PCNT: variants seen among roughly 807,000 people sequenced by gnomAD.
The protein encoded by PCNT is kendrin.
A neutral mutation model predicts 380.4 loss-of-function variants in PCNT; 319 were observed. The ratio of observed to expected loss-of-function variants is 0.84; its 90% CI spans 0.77 to 0.92. The LOEUF is 0.92. Among genes scored for constraint, PCNT ranks in the 40% least tolerant of loss-of-function variants. PCNT has a pLI of 0.00. For missense variants in PCNT, 4,400 were observed against 4,255.3 expected, an observed-to-expected ratio of 1.03 and a Z score of -0.95; for synonymous variants, 1,845 against 1,735.2, an observed-to-expected ratio of 1.06 and a Z score of -1.57.
chr21:46,383,379 G>A (rs1281030308), intron 16 of PCNT, among the ~76,000 whole-genome samples: 2 of 147,130 alleles, frequency 1.4e-5, no homozygotes, highest in Non-Finnish European at 3.0e-5. Flanking sequence ...TCACCATGTT[G>A]TATATTCAGT....
chr21:46,368,246 C>T (rs542664400), intron 15 of PCNT, among the ~76,000 whole-genome samples: 13 of 152,156 alleles, frequency 8.5e-5, no homozygotes, highest in African/African-American at 2.9e-4. Context: ...GTGATCGAGA[C>T]CATCCTGGCT....
rs758128446 is a variant in PCNT, at chr21:46,438,338, G to C, written c.9273+1G>C. Reference sequence around the variant, plus strand: ...TCTGCAGAAGGGCTGCAGCCCAAGCGTAGGTGTCTGTGCTTAACTCTTACC... The same window carrying C: ...TCTGCAGAAGGGCTGCAGCCCAAGCCTAGGTGTCTGTGCTTAACTCTTACC... On this transcript the variant is annotated splice_donor_variant, in intron 41 of 46. Transcript: ENST00000359568. LOFTEE classifies it high-confidence loss of function. 2 of 1,613,592 alleles carry C rather than the reference G, an allele frequency of 1.2e-6. No individual in the cohort carries two copies. The highest frequency in any genetic ancestry group is 8.5e-7 in the Non-Finnish European group (1 of 1,179,634).
intron 3 of PCNT, among the ~76,000 whole-genome samples, chr21:46,335,689 G>GTT (rs1039930945): frequency 1.5e-4 from 21 of 141,864 alleles, no homozygotes; most frequent in Admixed American, 1.4e-4. Flanking sequence ...GGTTTTTGGG[G>GTT]TTTTTTTTTT....
chr21:46,341,943 C>T (rs1261127448), intron 3 of PCNT, among the ~76,000 whole-genome samples: 1 of 58,550 alleles, frequency 1.7e-5, no homozygotes, highest in East Asian at 5.5e-4. Flanking sequence ...ATGCTTTTTA[C>T]TTATTTTTTT....
rs766659554 is a variant in PCNT at position 46,411,758 on chromosome 21, G to A, written c.5685G>A (p.Leu1895=). 2 of 1,610,198 alleles carry A rather than the reference G, an allele frequency of 1.2e-6. No homozygotes were observed. Among genetic ancestry groups the A allele is most frequent in the Non-Finnish European group, 1.7e-6 (2 of 1,179,600 alleles). ...ACTCTGCCGAGCTGGAGGCCGTCCT[G>A]TTGGCCTTGGCCCGCATCCGCCGCG... ...AAHSAELEAV[L]LALARIRRAL... is the part of the protein sequence containing the mutation. Residue 1895 remains leucine (L), a synonymous_variant, in exon 28 of 47, where the codon CTG becomes CTA. Transcript: ENST00000359568.
chr21:46,334,293 A>G, intron 2 of PCNT, 104 bp from the exon 3 acceptor site: 1 of 1,515,810 alleles, frequency 6.6e-7, no homozygotes, highest in South Asian at 1.1e-5. Context: ...TCTACTTGTT[A>G]AATGAAGTCA....
chr21:46,429,998 T>G lies in PCNT; in HGVS notation c.7691-12T>G. On this transcript the variant is annotated splice_polypyrimidine_tract_variant and intron_variant, in intron 35 of 46. Transcript: ENST00000359568. ...TCATGGGGGCCTGTTACTGTTCTTT[T>G]GTCTTTCTCAGTTGAACTGCTGGCT... 1 of 1,612,676 alleles carries G rather than the reference T, an allele frequency of 6.2e-7. No homozygotes were observed. Among genetic ancestry groups the G allele is most frequent in the African/African-American group, 1.3e-5 (1 of 75,022 alleles).
At chr21:46,328,470 GT>G (rs1238368533) in intron 2 of PCNT, among the ~76,000 whole-genome samples, 1 of 151,552 alleles carries the variant, frequency 6.6e-6, no homozygotes, top group African/African-American at 2.4e-5. Context: ...ATGTTTTTTG[GT>G]TTTTTTTGAA....
Position 46,353,284 on chromosome 21 carries a change from A to C in PCNT, c.1637A>C (p.Gln546Pro). 1 of 1,614,108 alleles carries C rather than the reference A, an allele frequency of 6.2e-7. No homozygotes were observed. ...EDLTLLQQRL[Q>P]GAREDALLDS... Reference sequence around the variant, plus strand: ...CTAACCCTGTTACAGCAGAGGCTGCAGGGGGCGAGGGAAGATGCTCTTCTG... The same window carrying C: ...CTAACCCTGTTACAGCAGAGGCTGCCGGGGGCGAGGGAAGATGCTCTTCTG... The change falls in exon 10 of 47, where the codon CAG becomes CCG. Residue 546 changes from glutamine (Q) to proline (P), a missense_variant. Coordinates refer to ENST00000359568, the MANE Select transcript of PCNT (RefSeq NM_006031.6).
At chr21:46,378,286 T>C (rs1569222151) in intron 15 of PCNT, among the ~76,000 whole-genome samples, 2 of 152,180 alleles carry the variant, frequency 1.3e-5, no homozygotes, top group African/African-American at 4.8e-5. Flanking sequence ...GGAATCACCC[T>C]GTGGTGTCTC....
chr21:46,395,319 G>A (rs557113614), intron 21 of PCNT, among the ~76,000 whole-genome samples: 11 of 152,258 alleles, frequency 7.2e-5, no homozygotes, highest in East Asian at 3.9e-4. Context: ...GATTCAGGCC[G>A]GGAGTGGTAG....
intron 31 of PCNT, among the ~76,000 whole-genome samples, chr21:46,421,260 G>T (rs918602938): frequency 2.0e-5 from 3 of 152,238 alleles, no homozygotes; most frequent in African/African-American, 4.8e-5. Context: ...TCCCCAGGGA[G>T]CTTTGTCCAC....
At chr21:46,385,332 G>T (rs1271654523) in intron 16 of PCNT, among the ~76,000 whole-genome samples, 1 of 152,216 alleles carries the variant, frequency 6.6e-6, no homozygotes, top group Non-Finnish European at 1.5e-5. Flanking sequence ...CTCCAGCCTG[G>T]GCAACAGAGT....
At chr21:46,365,924 A>G (rs2084912321) in intron 14 of PCNT, among the ~76,000 whole-genome samples, 1 of 135,294 alleles carries the variant, frequency 7.4e-6, no homozygotes, top group African/African-American at 3.0e-5. Flanking sequence ...GGTTCTATTC[A>G]TTCACTGCTG....
At chr21:46,399,885 C>G (rs1012058829) in intron 25 of PCNT, 89 bp downstream of exon 25, 1 of 1,125,452 alleles carries the variant, frequency 8.9e-7, no homozygotes, top group Non-Finnish European at 1.4e-6. Flanking sequence ...GTGGGCAGGG[C>G]GTCCTTCTTC....
intron 14 of PCNT, among the ~76,000 whole-genome samples, chr21:46,365,314 GCCATGGGGTTCTA>G (rs2084864263): frequency 2.1e-5 from 3 of 142,554 alleles, no homozygotes; most frequent in Non-Finnish European, 3.1e-5. Flanking sequence ...TCTATTCACT[GCCATGGGGTTCTA>G]TTCACTGCCA....
chr21:46,415,901 C>T (rs1213282056), intron 29 of PCNT, among the ~76,000 whole-genome samples, 168 bp from the exon 30 acceptor site: 1 of 152,112 alleles, frequency 6.6e-6, no homozygotes, highest in East Asian at 1.9e-4. Flanking sequence ...GAGATGTAAG[C>T]CTTGGTTCTG....
chr21:46,343,885 G>A (rs1463949057), intron 3 of PCNT, among the ~76,000 whole-genome samples: 1 of 152,084 alleles, frequency 6.6e-6, no homozygotes, highest in Non-Finnish European at 1.5e-5. Context: ...ATCGCCTCCA[G>A]GTTTTCTAGT....
At chr21:46,410,090 G>A (rs1252727217) in intron 27 of PCNT, among the ~76,000 whole-genome samples, 3 of 152,260 alleles carry the variant, frequency 2.0e-5, no homozygotes, top group Non-Finnish European at 2.9e-5. Flanking sequence ...ATTCCTTCGC[G>A]TGCCTGTAGA....
Sources: gnomAD v4.1 joint callset for allele counts (sites outside exome capture counted in the v4.1 genomes callset) on GRCh38, gnomAD v4.1.1 for gene constraint, MANE v1.5 for transcripts, NCBI Gene and HGNC (gene_info 2026-07-23, HGNC 2026-07-21) for gene names.